Variants in DRG2 observed in about 807,000 individuals in gnomAD.
The protein encoded by DRG2 is developmentally-regulated GTP-binding protein 2.
In DRG2, 36 loss-of-function variants were observed where a neutral mutation model predicts 53.4. The ratio of observed to expected loss-of-function variants is 0.67; its 90% CI spans 0.52 to 0.89. The LOEUF is 0.89. Among genes scored for constraint, DRG2 ranks in the 40% least tolerant of loss-of-function variants. DRG2 has a pLI of 0.00. For missense variants in DRG2, 342 were observed against 481.2 expected (o/e 0.71, Z 2.71); for synonymous variants, 167 against 192.1 (o/e 0.87, Z 1.08).
Position 18,101,349 on chromosome 17 carries a change from A to C in DRG2, c.632-144A>C, listed in dbSNP as rs985221690. The C allele has an allele frequency of 3.5e-5, 24 of 677,492 alleles. No homozygotes were observed. In the Middle Eastern group the frequency reaches 1.2e-3, roughly 33 times the overall value. The allele number at this position is 677,492 out of a possible 1,614,324, so 42.0% of individuals were successfully genotyped here. ...GAAGAGAACAGAGGGCTTCCAAAGC[A>C]TTACAATCTTGCAAAACCTCACAAG... On this transcript the variant is annotated intron_variant, in intron 7 of 12. Transcript: ENST00000225729.
rs1039220374 is a variant in DRG2 at position 18,100,937 on chromosome 17, C to CGG, written c.631+283_631+284dup. On this transcript the variant is annotated intron_variant, in intron 7 of 12. Transcript: ENST00000225729. The surrounding 1 kb of genome is among the most constrained non-coding windows in gnomAD (Gnocchi z 4.1). ...TGTCATGGGAAACAGCCTCTGAGGA[C>CGG]GGGGGGTTCCTAGCCTGGAGAAGCC... Among the ~76,000 whole-genome samples, 1 of 152,110 alleles carries CGG rather than the reference C, an allele frequency of 6.6e-6. No individual in the cohort carries two copies. Among genetic ancestry groups the CGG allele is most frequent in the African/African-American group, 2.4e-5 (1 of 41,430 alleles).
chr17:18,106,005 G>C (rs764610786), intron 11 of DRG2: 63 of 207,594 alleles, frequency 3.0e-4, no homozygotes, highest in Middle Eastern at 2.0e-3. Context: ...AGTTGGGGGT[G>C]ATGTGATGTG....
At chr17:18,089,616 G>A (rs1043409130) in intron 1 of DRG2, among the ~76,000 whole-genome samples, 3 of 152,202 alleles carry the variant, frequency 2.0e-5, no homozygotes, top group African/African-American at 7.2e-5. Flanking sequence ...GGGTGATACA[G>A]CAGAATATTG....
chr17:18,098,378 C>T lies in DRG2; in HGVS notation c.315+19C>T. The T allele has an allele frequency of 6.2e-7, 1 of 1,609,314 alleles. No individual in the cohort carries two copies. The highest frequency in any genetic ancestry group is 2.2e-5 in the East Asian group (1 of 44,840). On this transcript the variant is annotated intron_variant, in intron 3 of 12. Transcript: ENST00000225729. The surrounding 1 kb of genome is among the most constrained non-coding windows in gnomAD (Gnocchi z 4.1). The stretch of plus-strand genomic sequence containing the variant: ...CATTGAAGTAAGTGGGTGTGCTGGG[C>T]CCAGAAGGAGAAGGGGCGCATGCTT...
chr17:18,103,998 G>C lies in DRG2; in HGVS notation c.895+109G>C. On this transcript the variant is annotated intron_variant, in intron 10 of 12. Transcript: ENST00000225729. The surrounding 1 kb of genome is among the most constrained non-coding windows in gnomAD (Gnocchi z 4.4). ...CCCAGCACCGGCTCTGGCCTGGCTT[G>C]TCTAGACACACCTCAGCTCTTTTCC... The C allele has an allele frequency of 9.6e-7, 1 of 1,037,794 alleles. No individual in the cohort carries two copies. Among genetic ancestry groups the C allele is most frequent in the Non-Finnish European group, 1.5e-6 (1 of 676,940 alleles). The allele number at this position is 1,037,794 out of a possible 1,614,324, so 64.3% of individuals were successfully genotyped here.
At position 18,102,582 on chromosome 17, in the gene DRG2, C is replaced by T. The variant is rs185122985; in HGVS notation, c.806+585C>T. On this transcript the variant is annotated intron_variant, in intron 9 of 12. Coordinates refer to ENST00000225729, the MANE Select transcript of DRG2 (RefSeq NM_001388.5). ...GTTGCAGTGAGCCGAGATCATGCCA[C>T]TGCACTCCAGCCTGGGCGACAGAGC... 5.1e-3 allele frequency among the ~76,000 whole-genome samples: 758 copies of T among 148,160 alleles called. 7 individuals carry two copies. Among genetic ancestry groups the T allele is most frequent in the African/African-American group, 0.019 (732 of 39,530 alleles).
intron 9 of DRG2, among the ~76,000 whole-genome samples, chr17:18,102,408 G>A (rs1447873475): frequency 1.3e-5 from 2 of 152,116 alleles, no homozygotes; most frequent in Non-Finnish European, 2.9e-5. Flanking sequence ...GGATCATGAG[G>A]TCAGGAGATC....
At chr17:18,106,521 G>C (rs748172887) in intron 12 of DRG2, 35 bp downstream of exon 12, 10 of 1,612,730 alleles carry the variant, frequency 6.2e-6, no homozygotes, top group Non-Finnish European at 1.7e-6. Flanking sequence ...CAGGGGGGTA[G>C]ACCCAGGACA....
At chr17:18,104,938 G>A (rs764231655) in intron 11 of DRG2, among the ~76,000 whole-genome samples, 2 of 152,220 alleles carry the variant, frequency 1.3e-5, no homozygotes, top group Non-Finnish European at 2.9e-5. Flanking sequence ...CGTTGAATGA[G>A]GTCCAGTGTG....
chr17:18,089,347 C>G (rs148479852), intron 1 of DRG2, among the ~76,000 whole-genome samples: 1,841 of 152,166 alleles, frequency 0.012, 34 homozygotes, highest in African/African-American at 0.042. Flanking sequence ...GCCATGTCGT[C>G]CAGGCTGGTC....
In DRG2 at chr17:18,101,521, A is replaced by T; in HGVS notation, c.660A>T (p.Arg220=). Residue 220 remains arginine, a synonymous_variant, in exon 8 of 13, where the codon CGA becomes CGT. Coordinates refer to ENST00000225729, the MANE Select transcript of DRG2 (RefSeq NM_001388.5). ...YKIFNAEVLF[R]EDCSPDEFID... is the part of the protein sequence containing the mutation. ...TCTTCAATGCAGAAGTGCTTTTCCG[A>T]GAAGACTGCTCCCCGGACGAGTTCA... 6.2e-7 allele frequency: 1 copy of T among 1,614,120 alleles called. No individual in the cohort carries two copies. The highest frequency in any genetic ancestry group is 8.5e-7 in the Non-Finnish European group (1 of 1,180,032).
At chr17:18,093,197 C>G (rs1272054377) in intron 1 of DRG2, among the ~76,000 whole-genome samples, 2 of 152,178 alleles carry the variant, frequency 1.3e-5, no homozygotes, top group Non-Finnish European at 1.5e-5. Context: ...ATGCGTACTT[C>G]ACCATCAAAG....
In DRG2 at chr17:18,107,228, C is replaced by A. The variant is rs143553376; in HGVS notation, c.1083C>A (p.Ile361=). 1,086 of 1,613,110 alleles carry A rather than the reference C, an allele frequency of 6.7e-4. No homozygotes were observed. Among genetic ancestry groups the A allele is most frequent in the Non-Finnish European group, 8.6e-4 (1,010 of 1,180,012 alleles). ...HTMEHEDVIQ[I]VKK ...TGGAGCATGAGGACGTCATCCAGAT[C>A]GTGAAGAAGTAACGGCGCCTGCCGG... The change falls in exon 13 of 13, where the codon ATC becomes ATA. Residue 361 remains isoleucine, a synonymous_variant. Transcript: ENST00000225729.
rs777727119 is a variant in DRG2, at chr17:18,103,843, T to C, written c.849T>C (p.Leu283=). Residue 283 remains leucine (L), a synonymous_variant, in exon 10 of 13, where the codon CTT becomes CTC. Transcript: ENST00000225729. This position sits in a 1 kb window ranked among gnomAD's most constrained non-coding sequence, Gnocchi z 4.4. ...ACCTGGACTATCTGCTGGAGATGCTTTGGGAGTACTTGGCCCTGACCTGCA... is the reference window on the plus strand; with the variant it reads ...ACCTGGACTATCTGCTGGAGATGCTCTGGGAGTACTTGGCCCTGACCTGCA... The part of the protein sequence containing the change: ...KLNLDYLLEM[L]WEYLALTCIY... 1 of 1,614,148 alleles carries C rather than the reference T, an allele frequency of 6.2e-7. No individual in the cohort carries two copies. The highest frequency in any genetic ancestry group is 1.1e-5 in the South Asian group (1 of 91,086).
At position 18,107,187 on chromosome 17, in the gene DRG2, G is replaced by A. The variant is rs2045657226; in HGVS notation, c.1042G>A (p.Gly348Ser). The A allele has an allele frequency of 6.2e-7, 1 of 1,613,304 alleles. No homozygotes were observed. The highest frequency in any genetic ancestry group is 1.1e-5 in the South Asian group (1 of 91,088). The change falls in exon 13 of 13, where the codon GGC becomes AGC. Residue 348 changes from glycine (G) to serine (S), a missense_variant. Physicochemically the swap from Gly to Ser is moderately conservative, Grantham distance 56 (BLOSUM62 0). Coordinates refer to ENST00000225729, the MANE Select transcript of DRG2 (RefSeq NM_001388.5). ...CACCAAGTACAGTCCGCAGCGGGTG[G>A]GCCTGACCCACACCATGGAGCATGA... ...TSTKYSPQRV[G>S]LTHTMEHEDV...
At chr17:18,096,407 A>C (rs1417953507) in intron 2 of DRG2, 1 of 152,104 alleles carries the variant, frequency 6.6e-6, no homozygotes, top group Non-Finnish European at 1.5e-5. Flanking sequence ...GTGGGGGGTT[A>C]TTTTGTGCTT....
At chr17:18,104,032 C>A in intron 10 of DRG2, 143 bp downstream of exon 10, 1 of 777,796 alleles carries the variant, frequency 1.3e-6, no homozygotes, top group Non-Finnish European at 2.1e-6. Flanking sequence ...CCCTTCTCAG[C>A]ACTGGGCACT....
intron 9 of DRG2, among the ~76,000 whole-genome samples, chr17:18,102,929 T>A (rs1031027634): frequency 1.3e-5 from 2 of 152,202 alleles, no homozygotes; most frequent in Non-Finnish European, 2.9e-5. Context: ...GTTTCCTGAC[T>A]TGAGGCAGGC....
chr17:18,104,554 G>A (rs192008044), intron 10 of DRG2, 69 bp from the exon 11 acceptor site: 239 of 1,608,858 alleles, frequency 1.5e-4, no homozygotes, highest in Non-Finnish European at 1.8e-4. Context: ...CTCTTCCCTC[G>A]CGCAGAATCA....
Sources: gnomAD v4.1 joint callset for allele counts (sites outside exome capture counted in the v4.1 genomes callset) on GRCh38, gnomAD v4.1.1 for gene constraint, Gnocchi (gnomAD v3.1) non-coding constraint, MANE v1.5 for transcripts, NCBI Gene and HGNC (gene_info 2026-07-23, HGNC 2026-07-21) for gene names.